RABGAP1L: variants seen among roughly 807,000 people sequenced by gnomAD.
The protein encoded by RABGAP1L is rab GTPase-activating protein 1-like.
In RABGAP1L, 63 loss-of-function variants were observed where a neutral mutation model predicts 137.7. The observed-to-expected ratio is 0.46, with a 90% CI of 0.37 to 0.56. The LOEUF (loss-of-function observed/expected upper bound fraction) is 0.56, where lower values mean the gene tolerates loss of function less well. Among genes scored for constraint, RABGAP1L ranks in the 20% least tolerant of loss-of-function variants. The pLI is 0.00. For synonymous variants in RABGAP1L, 431 were observed against 433.7 expected (o/e 0.99, Z 0.08); for missense variants, 1,095 against 1,244.0 (o/e 0.88, Z 1.80).
At chr1:174,363,408 G>T (rs1684311369) in intron 11 of RABGAP1L, among the ~76,000 whole-genome samples, 1 of 152,156 alleles carries the variant, frequency 6.6e-6, no homozygotes, top group South Asian at 2.1e-4. Context: ...GCTTCTTCCT[G>T]TATATGAGCA....
intron 14 of RABGAP1L, among the ~76,000 whole-genome samples, chr1:174,682,341 T>C (rs963764001): frequency 5.5e-5 from 8 of 145,136 alleles, no homozygotes; most frequent in East Asian, 2.0e-4. Flanking sequence ...CACACACACA[T>C]ACATCACAAC....
intron 13 of RABGAP1L, among the ~76,000 whole-genome samples, chr1:174,419,127 A>C (rs1045583627): frequency 7.9e-5 from 12 of 152,194 alleles, no homozygotes; most frequent in South Asian, 4.1e-4. Context: ...TAGAGTACTT[A>C]GTTTTTGATA....
At chr1:174,687,381 A>T (rs1018546140) in intron 15 of RABGAP1L, among the ~76,000 whole-genome samples, 1 of 152,184 alleles carries the variant, frequency 6.6e-6, no homozygotes, top group Non-Finnish European at 1.5e-5. Flanking sequence ...AATAACTTGA[A>T]ATATAGAAAT....
At chr1:174,781,830 C>T (rs1471280464) in intron 18 of RABGAP1L, among the ~76,000 whole-genome samples, 1 of 152,154 alleles carries the variant, frequency 6.6e-6, no homozygotes, top group Non-Finnish European at 1.5e-5. Context: ...GGAATCCTTT[C>T]CCCATTTCTT....
chr1:174,587,117 A>G (rs1393344748), intron 13 of RABGAP1L, among the ~76,000 whole-genome samples: 1 of 151,156 alleles, frequency 6.6e-6, no homozygotes, highest in Non-Finnish European at 1.5e-5. Flanking sequence ...CATGGTGTAT[A>G]TGTGCCACAT....
chr1:174,828,816 AC>A (rs1471609839), intron 19 of RABGAP1L, among the ~76,000 whole-genome samples: 1 of 148,020 alleles, frequency 6.8e-6, no homozygotes, highest in Admixed American at 6.8e-5. Flanking sequence ...ACACTAGAGC[AC>A]CACTGTTGGC....
intron 19 of RABGAP1L, among the ~76,000 whole-genome samples, chr1:174,873,381 C>T (rs981874399): frequency 1.3e-5 from 2 of 151,548 alleles, no homozygotes; most frequent in Non-Finnish European, 2.9e-5. Flanking sequence ...AGCCATATTT[C>T]TCTTGTAGTT....
At chr1:174,240,399 G>A (rs765041846) in intron 4 of RABGAP1L, among the ~76,000 whole-genome samples, 5 of 152,086 alleles carry the variant, frequency 3.3e-5, no homozygotes, top group African/African-American at 9.7e-5. Flanking sequence ...GGTTCCCACC[G>A]CCATGCCTGG....
chr1:174,933,095 C>T (rs1297121019), intron 19 of RABGAP1L, among the ~76,000 whole-genome samples: 5 of 148,518 alleles, frequency 3.4e-5, no homozygotes, highest in African/African-American at 9.7e-5. Context: ...TACATACATG[C>T]ATACATACAT....
At chr1:174,741,926 C>T (rs1404819074) in intron 17 of RABGAP1L, among the ~76,000 whole-genome samples, 1 of 145,636 alleles carries the variant, frequency 6.9e-6, no homozygotes, top group Non-Finnish European at 1.5e-5. Flanking sequence ...ATAGACCCAG[C>T]TACTTGGGAG....
At chr1:174,204,881 C>T (rs993751870) in intron 1 of RABGAP1L, among the ~76,000 whole-genome samples, 11 of 152,146 alleles carry the variant, frequency 7.2e-5, no homozygotes, top group Admixed American at 3.3e-4. Context: ...CTTTGCCCTT[C>T]GCCTTCTGCT....
intron 13 of RABGAP1L, among the ~76,000 whole-genome samples, chr1:174,471,457 C>T (rs745747247): frequency 6.6e-5 from 10 of 152,052 alleles, no homozygotes; most frequent in Non-Finnish European, 1.3e-4. Context: ...AGAAATTTTG[C>T]CACATTAAGC....
chr1:174,960,105 A>G (rs147202069), intron 20 of RABGAP1L, among the ~76,000 whole-genome samples: 3 of 152,312 alleles, frequency 2.0e-5, no homozygotes, highest in African/African-American at 7.2e-5. Context: ...CCTCAACATT[A>G]GAATCTATAT....
intron 12 of RABGAP1L, among the ~76,000 whole-genome samples, chr1:174,372,433 T>A (rs1390589326): frequency 6.6e-6 from 1 of 152,168 alleles, no homozygotes; most frequent in South Asian, 2.1e-4. Flanking sequence ...AAATTTTTTT[T>A]AACTTTTTTT....
At chr1:174,456,521 T>A (rs2149270079) in intron 13 of RABGAP1L, among the ~76,000 whole-genome samples, 1 of 152,198 alleles carries the variant, frequency 6.6e-6, no homozygotes, top group East Asian at 1.9e-4. Context: ...TGGACAAGAT[T>A]TTGATGTTTC....
intron 19 of RABGAP1L, among the ~76,000 whole-genome samples, chr1:174,906,059 C>A (rs1659027924): frequency 6.6e-6 from 1 of 152,036 alleles, no homozygotes; most frequent in African/African-American, 2.4e-5. Flanking sequence ...ACTCTATCAC[C>A]CAGGTCGGAG....
chr1:174,810,328 A>T (rs1182751332), intron 18 of RABGAP1L, among the ~76,000 whole-genome samples: 1 of 152,206 alleles, frequency 6.6e-6, no homozygotes, highest in African/African-American at 2.4e-5. Context: ...ATGGGCTAGG[A>T]GGAAGAATTT....
chr1:174,447,471 A>G (rs924479763), intron 13 of RABGAP1L, among the ~76,000 whole-genome samples: 2 of 152,156 alleles, frequency 1.3e-5, no homozygotes, highest in Non-Finnish European at 2.9e-5. Context: ...TGACCCCCCA[A>G]CATCAATCCC....
chr1:174,626,232 AC>A (rs879587100), intron 13 of RABGAP1L, among the ~76,000 whole-genome samples: 2 of 152,208 alleles, frequency 1.3e-5, no homozygotes, highest in Admixed American at 1.3e-4. Flanking sequence ...TTTGTGGTAG[AC>A]AGTCATCTGG....
Sources: gnomAD v4.1 joint callset for allele counts (sites outside exome capture counted in the v4.1 genomes callset) on GRCh38, gnomAD v4.1.1 for gene constraint, MANE v1.5 for transcripts, NCBI Gene and HGNC (gene_info 2026-07-23, HGNC 2026-07-21) for gene names.